The following GALNT17 variants were observed in gnomAD, a reference collection of about 807,000 sequenced individuals.
The protein encoded by GALNT17 is UDP-GalNAc:polypeptide N-acetylgalactosaminyltransferase-like 3.
Under a neutral mutation model 63.7 loss-of-function variants are expected in GALNT17, and 29 were observed. The ratio of observed to expected loss-of-function variants is 0.46; its 90% CI spans 0.34 to 0.62. The LOEUF (loss-of-function observed/expected upper bound fraction) is 0.62, where lower values mean the gene tolerates loss of function less well. GALNT17 is among the 20% of genes least tolerant of loss of function. The probability of loss-of-function intolerance (pLI) is 0.01; values close to 1 mark genes in which losing one functional copy is unlikely to be tolerated. For synonymous variants in GALNT17, 305 were observed against 318.3 expected (o/e 0.96, Z 0.45); for missense variants, 603 against 799.6 (o/e 0.75, Z 2.97).
intron 1 of GALNT17, among the ~76,000 whole-genome samples, chr7:71,271,938 T>G (rs1202670621): frequency 6.6e-6 from 1 of 152,162 alleles, no homozygotes; most frequent in Non-Finnish European, 1.5e-5. Context: ...CTTTTAATTT[T>G]TGTAGAGATG....
At chr7:71,310,104 A>T (rs780339109) in intron 1 of GALNT17, among the ~76,000 whole-genome samples, 7 of 152,178 alleles carry the variant, frequency 4.6e-5, no homozygotes, top group Non-Finnish European at 1.0e-4. Flanking sequence ...TTCTGTCATG[A>T]TTGTGAGGCC....
chr7:71,342,544 A>C (rs1330186146), intron 2 of GALNT17, among the ~76,000 whole-genome samples: 1 of 152,220 alleles, frequency 6.6e-6, no homozygotes, highest in Non-Finnish European at 1.5e-5. Context: ...CAGAAAAAAA[A>C]CAAAAGCTCT....
chr7:71,502,904 T>A (rs1026354815), intron 5 of GALNT17, among the ~76,000 whole-genome samples: 1 of 152,194 alleles, frequency 6.6e-6, no homozygotes, highest in Admixed American at 6.5e-5. Context: ...GTTTGCCCCA[T>A]CAAGTGCTTG....
chr7:71,608,316 C>T (rs941525083), intron 6 of GALNT17, among the ~76,000 whole-genome samples: 2 of 152,104 alleles, frequency 1.3e-5, no homozygotes, highest in South Asian at 2.1e-4. Context: ...CTGTTTCCCA[C>T]TTGCCACTCA....
intron 5 of GALNT17, among the ~76,000 whole-genome samples, chr7:71,502,222 C>T (rs1487542242): frequency 6.6e-6 from 1 of 152,194 alleles, no homozygotes; most frequent in Non-Finnish European, 1.5e-5. Flanking sequence ...TCCTCACCAC[C>T]CATTGATTTT....
intron 2 of GALNT17, among the ~76,000 whole-genome samples, chr7:71,381,678 C>G (rs1471779028): frequency 6.6e-6 from 1 of 152,098 alleles, no homozygotes; most frequent in Non-Finnish European, 1.5e-5. Context: ...AATCAGGAGG[C>G]TGAGGCAGGA....
chr7:71,484,797 A>ATTTTTTTT (rs386410414), intron 5 of GALNT17, among the ~76,000 whole-genome samples: 1 of 107,350 alleles, frequency 9.3e-6, no homozygotes, highest in Non-Finnish European at 1.7e-5. Flanking sequence ...CAGCATCAGG[A>ATTTTTTTT]TTTTTTTTTT....
At chr7:71,260,124 T>C (rs1790360126) in intron 1 of GALNT17, among the ~76,000 whole-genome samples, 1 of 152,170 alleles carries the variant, frequency 6.6e-6, no homozygotes, top group Non-Finnish European at 1.5e-5. Flanking sequence ...GAAGTTGCAG[T>C]GAGGCTGATT....
intron 9 of GALNT17, among the ~76,000 whole-genome samples, chr7:71,705,830 A>T (rs978891154): frequency 6.6e-6 from 1 of 152,212 alleles, no homozygotes. Flanking sequence ...GCCAATCAGT[A>T]GCATCTCCAG....
chr7:71,335,262 G>T (rs971709910), intron 1 of GALNT17, among the ~76,000 whole-genome samples: 24 of 152,126 alleles, frequency 1.6e-4, no homozygotes, highest in Non-Finnish European at 4.4e-5. Flanking sequence ...CTCTCGAGTA[G>T]CTGGGACTAC....
At chr7:71,358,307 A>G (rs990720961) in intron 2 of GALNT17, among the ~76,000 whole-genome samples, 1 of 152,228 alleles carries the variant, frequency 6.6e-6, no homozygotes, top group Non-Finnish European at 1.5e-5. Context: ...GAAGGGGAGA[A>G]TCACTTGAAC....
intron 3 of GALNT17, among the ~76,000 whole-genome samples, chr7:71,402,660 T>G (rs1793260502): frequency 6.6e-6 from 1 of 152,186 alleles, no homozygotes. Context: ...CTCGGTTGGT[T>G]GTATTCAAAG....
intron 1 of GALNT17, among the ~76,000 whole-genome samples, chr7:71,141,189 A>G (rs1438317322): frequency 6.6e-6 from 1 of 152,026 alleles, no homozygotes; most frequent in African/African-American, 2.4e-5. Context: ...CAACATGGCG[A>G]AACCCCATCT....
chr7:71,486,811 T>C (rs1787917752), intron 5 of GALNT17, among the ~76,000 whole-genome samples: 1 of 150,910 alleles, frequency 6.6e-6, no homozygotes, highest in Non-Finnish European at 1.5e-5. Context: ...TGCAGTGAGC[T>C]GTAATGGTGC....
intron 2 of GALNT17, among the ~76,000 whole-genome samples, chr7:71,374,792 A>G (rs1184098846): frequency 6.6e-6 from 1 of 150,426 alleles, no homozygotes; most frequent in African/African-American, 2.4e-5. Context: ...GCTGGGGTAT[A>G]GGATCTGACT....
intron 1 of GALNT17, among the ~76,000 whole-genome samples, chr7:71,134,850 T>G (rs868405245): frequency 6.5e-4 from 83 of 128,038 alleles, no homozygotes; most frequent in African/African-American, 9.4e-4. Flanking sequence ...TTTTTTTTTT[T>G]TTTTTTTTTT....
chr7:71,584,786 T>C (rs1208257718), intron 6 of GALNT17, among the ~76,000 whole-genome samples: 2 of 152,160 alleles, frequency 1.3e-5, no homozygotes, highest in Admixed American at 1.3e-4. Flanking sequence ...TTTATTTATT[T>C]TGAGACAGAG....
chr7:71,626,632 G>T (rs551644804), intron 6 of GALNT17, among the ~76,000 whole-genome samples: 1 of 152,308 alleles, frequency 6.6e-6, no homozygotes, highest in Non-Finnish European at 1.5e-5. Flanking sequence ...ACACCATCTG[G>T]ACAGCTCAGG....
chr7:71,214,439 C>T (rs2116400884), intron 1 of GALNT17, among the ~76,000 whole-genome samples: 1 of 152,288 alleles, frequency 6.6e-6, no homozygotes, highest in Middle Eastern at 3.4e-3. Flanking sequence ...AGGCATTTCC[C>T]AAGAGAGGGA....
Sources: gnomAD v4.1 joint callset for allele counts (sites outside exome capture counted in the v4.1 genomes callset) on GRCh38, gnomAD v4.1.1 for gene constraint, MANE v1.5 for transcripts, NCBI Gene and HGNC (gene_info 2026-07-23, HGNC 2026-07-21) for gene names.